Variants in CAMK1D observed in about 807,000 individuals in gnomAD.
CAMK1D encodes the protein calcium/calmodulin-dependent protein kinase type 1D.
Under a neutral mutation model 47.7 loss-of-function variants are expected in CAMK1D, and 9 were observed. That is an observed-to-expected ratio of 0.19 (90% CI 0.11 to 0.33). The LOEUF (loss-of-function observed/expected upper bound fraction) is 0.33. Among genes scored for constraint, CAMK1D ranks in the 10% least tolerant of loss-of-function variants. CAMK1D has a pLI of 1.00. For missense variants in CAMK1D, 291 were observed against 488.7 expected (o/e 0.60, Z 3.81); for synonymous variants, 184 against 184.9 (o/e 0.99, Z 0.04).
In CAMK1D at chr10:12,612,705, GTCT is replaced by G. The variant is rs1260309866; in HGVS notation, c.225-54023_225-54021del. 3.3e-5 allele frequency among the ~76,000 whole-genome samples: 5 copies of G among 152,264 alleles called. No homozygotes were observed. The East Asian group carries it at 5.8e-4, about 18-fold the overall frequency. ...CTCTGGGTGCAGCTTGGACAGGTCA[GTCT>G]TCTTCTTTGAGCAGGTGTGTCATCA... On this transcript the variant is annotated intron_variant, in intron 2 of 10. Transcript: ENST00000619168.
At chr10:12,586,736 G>GA (rs58350746) in intron 2 of CAMK1D, among the ~76,000 whole-genome samples, 8,298 of 151,472 alleles carry the variant, frequency 0.055, 324 homozygotes, top group East Asian at 0.17. Context: ...TTTCATGAAA[G>GA]AAAAAAAACA....
chr10:12,583,070 T>C (rs1837709960), intron 2 of CAMK1D, among the ~76,000 whole-genome samples: 1 of 152,202 alleles, frequency 6.6e-6, no homozygotes, highest in Non-Finnish European at 1.5e-5. Flanking sequence ...GACTCCCATC[T>C]GTGAAAGAAC....
chr10:12,683,741 GGT>G (rs10554443), intron 3 of CAMK1D, among the ~76,000 whole-genome samples: 9,134 of 144,874 alleles, frequency 0.063, 397 homozygotes, highest in East Asian at 0.22. Context: ...TAGGAATCCA[GGT>G]GTGTGTGTGT....
intron 3 of CAMK1D, among the ~76,000 whole-genome samples, chr10:12,703,604 C>T (rs942526286): frequency 6.6e-6 from 1 of 152,174 alleles, no homozygotes; most frequent in African/African-American, 2.4e-5. Context: ...CGCGGTGGCT[C>T]ATGCCTGTAA....
intron 1 of CAMK1D, among the ~76,000 whole-genome samples, chr10:12,444,625 T>C (rs73569405): frequency 0.013 from 1,931 of 152,258 alleles, 22 homozygotes; most frequent in East Asian, 0.056. Context: ...GCCAGAACAA[T>C]TTGAAGCAGG....
intron 1 of CAMK1D, among the ~76,000 whole-genome samples, chr10:12,429,325 C>G (rs969812995): frequency 6.6e-6 from 1 of 151,838 alleles, no homozygotes; most frequent in African/African-American, 2.4e-5. Flanking sequence ...GCTCTCTTCC[C>G]CTTCCCCATT....
intron 1 of CAMK1D, among the ~76,000 whole-genome samples, chr10:12,526,564 A>C (rs144153888): frequency 2.0e-5 from 3 of 152,034 alleles, no homozygotes; most frequent in African/African-American, 7.2e-5. Flanking sequence ...TGATTTTGCT[A>C]TTTTGCAGTT....
At chr10:12,565,318 C>T (rs1331320646) in intron 2 of CAMK1D, among the ~76,000 whole-genome samples, 2 of 152,146 alleles carry the variant, frequency 1.3e-5, no homozygotes, top group East Asian at 1.9e-4. Flanking sequence ...TGGCACGACT[C>T]GGCCCACTGC....
intron 2 of CAMK1D, among the ~76,000 whole-genome samples, chr10:12,619,979 A>T (rs769614809): frequency 6.6e-6 from 1 of 152,002 alleles, no homozygotes; most frequent in Non-Finnish European, 1.5e-5. Flanking sequence ...TTTTCACTCA[A>T]CTTTCACTGG....
intron 3 of CAMK1D, among the ~76,000 whole-genome samples, chr10:12,687,174 G>T (rs1167084952): frequency 6.6e-6 from 1 of 151,720 alleles, no homozygotes; most frequent in Non-Finnish European, 1.5e-5. Context: ...ATCAGCCTTC[G>T]TACTGAGCCC....
chr10:12,753,942 G>A (rs1836113190), intron 3 of CAMK1D, among the ~76,000 whole-genome samples: 1 of 152,120 alleles, frequency 6.6e-6, no homozygotes, highest in African/African-American at 2.4e-5. Context: ...CCAGGCTGGA[G>A]TGCAGTGGTG....
At chr10:12,798,515 A>G (rs899581321) in intron 6 of CAMK1D, among the ~76,000 whole-genome samples, 2 of 152,198 alleles carry the variant, frequency 1.3e-5, no homozygotes, top group Non-Finnish European at 2.9e-5. Flanking sequence ...TGGCCTGAGG[A>G]AGCCTTCCCA....
chr10:12,625,526 C>G lies in CAMK1D; in HGVS notation c.225-41210C>G, dbSNP rs1444613451. The stretch of plus-strand genomic sequence containing the variant: ...ATTTTTATTTTTATTTTTGTAGAGA[C>G]GGGTATGCTGCCCAGGCTGGTCTCG... On this transcript the variant is annotated intron_variant, in intron 2 of 10. Transcript: ENST00000619168. 2.0e-5 allele frequency among the ~76,000 whole-genome samples: 3 copies of G among 150,198 alleles called. No homozygotes were observed. The South Asian group carries it at 6.5e-4, about 33-fold the overall frequency.
At chr10:12,551,423 G>A (rs1397357786) in intron 1 of CAMK1D, among the ~76,000 whole-genome samples, 2 of 152,206 alleles carry the variant, frequency 1.3e-5, no homozygotes, top group East Asian at 1.9e-4. Flanking sequence ...ATGGCAAGTT[G>A]TAGAATTATT....
chr10:12,371,005 AGT>A (rs1251650166), intron 1 of CAMK1D, among the ~76,000 whole-genome samples: 1 of 152,202 alleles, frequency 6.6e-6, no homozygotes, highest in Non-Finnish European at 1.5e-5. Flanking sequence ...GCAGCTATAC[AGT>A]GTGTGTGTTT....
At chr10:12,637,736 G>T (rs967245486) in intron 2 of CAMK1D, among the ~76,000 whole-genome samples, 1 of 152,196 alleles carries the variant, frequency 6.6e-6, no homozygotes, top group Admixed American at 6.5e-5. Context: ...TGGCAGGAGA[G>T]CATCCGTGAC....
chr10:12,789,093 C>T (rs1432118112), intron 5 of CAMK1D, among the ~76,000 whole-genome samples: 1 of 152,154 alleles, frequency 6.6e-6, no homozygotes, highest in Non-Finnish European at 1.5e-5. Flanking sequence ...AGAGGATTTC[C>T]CTTTTCATTT....
At chr10:12,805,078 G>A (rs1838666139) in intron 6 of CAMK1D, among the ~76,000 whole-genome samples, 4 of 151,756 alleles carry the variant, frequency 2.6e-5, no homozygotes, top group Admixed American at 2.6e-4. Flanking sequence ...GGCCAACATG[G>A]TGAAACCCCG....
intron 1 of CAMK1D, among the ~76,000 whole-genome samples, chr10:12,515,308 C>A (rs1588575990): frequency 6.6e-6 from 1 of 151,994 alleles, no homozygotes; most frequent in Non-Finnish European, 1.5e-5. Flanking sequence ...TCGCCAGATT[C>A]CCCTGTGTTA....
Sources: gnomAD v4.1 joint callset for allele counts (sites outside exome capture counted in the v4.1 genomes callset) on GRCh38, gnomAD v4.1.1 for gene constraint, MANE v1.5 for transcripts, NCBI Gene and HGNC (gene_info 2026-07-23, HGNC 2026-07-21) for gene names.